The following SCYL1 variants were observed in gnomAD, a reference collection of about 807,000 sequenced individuals.
SCYL1 encodes the protein N-terminal kinase-like protein.
Under a neutral mutation model 94.8 loss-of-function variants are expected in SCYL1, and 85 were observed. That is an observed-to-expected ratio of 0.90 (90% CI 0.75 to 1.07). SCYL1 has a LOEUF of 1.07. Among genes scored for constraint, SCYL1 ranks in the 50% least tolerant of loss-of-function variants. The probability of loss-of-function intolerance (pLI) is 0.00; values close to 1 mark genes in which losing one functional copy is unlikely to be tolerated. For synonymous variants in SCYL1, 459 were observed against 435.5 expected (o/e 1.05, Z -0.67); for missense variants, 968 against 1,083.3 (o/e 0.89, Z 1.49).
At position 65,537,037 on chromosome 11, in the gene SCYL1, G is replaced by A. The variant is rs554915845; in HGVS notation, c.1868G>A (p.Gly623Asp). Residue 623 changes from glycine to aspartate, a missense_variant, in exon 14 of 18, where the codon GGC (glycine) becomes GAC (aspartate). Gly to Asp is a moderately conservative substitution (Grantham distance 94, BLOSUM62 -1). Transcript: ENST00000270176. ...GTTCCTGCCACCCCTACAACCTCAG[G>A]CCACTGGGAGACGCAGGAGGAGGAC... The part of the protein sequence containing the change: ...TPVPATPTTS[G>D]HWETQEEDKD... The A allele has an allele frequency of 4.3e-6, 7 of 1,613,894 alleles. No individual in the cohort carries two copies. The highest frequency in any genetic ancestry group is 3.3e-4 in the Middle Eastern group (2 of 6,060).
intron 2 of SCYL1, 38 bp downstream of exon 2, chr11:65,525,752 G>A (rs1366626970): frequency 1.2e-6 from 2 of 1,608,752 alleles, no homozygotes; most frequent in Admixed American, 1.7e-5. Context: ...TGCCCCTCAC[G>A]ATGTCCTGGT....
Position 65,532,784 on chromosome 11 carries a change from C to T in SCYL1, c.1209C>T (p.Ala403=), listed in dbSNP as rs1177408888. The stretch of plus-strand genomic sequence containing the variant: ...ATGGCTTCCTGGACACCAACCCTGC[C>T]ATCCGGGAGCAGACGGTCAAGGTGG... ...VVHGFLDTNP[A]IREQTVKSML... Residue 403 remains alanine (A), a synonymous_variant, in exon 9 of 18, where the codon GCC becomes GCT. Transcript: ENST00000270176. 1 of 1,613,970 alleles carries T rather than the reference C, an allele frequency of 6.2e-7. No homozygotes were observed. Among genetic ancestry groups the T allele is most frequent in the South Asian group, 1.1e-5 (1 of 91,076 alleles).
intron 6 of SCYL1, among the ~76,000 whole-genome samples, chr11:65,529,756 T>C (rs967577914): frequency 3.3e-5 from 5 of 152,072 alleles, no homozygotes; most frequent in African/African-American, 1.2e-4. Flanking sequence ...TCCTCCTTTG[T>C]GAATGGGGGG....
chr11:65,529,390 T>A (rs1855257181), intron 6 of SCYL1, among the ~76,000 whole-genome samples: 1 of 152,180 alleles, frequency 6.6e-6, no homozygotes, highest in Non-Finnish European at 1.5e-5. Flanking sequence ...TTCGGGAGCC[T>A]CCAGGAGAAC....
intron 9 of SCYL1, among the ~76,000 whole-genome samples, chr11:65,534,815 A>C (rs1312650253): frequency 1.3e-5 from 2 of 152,256 alleles, no homozygotes; most frequent in African/African-American, 4.8e-5. Context: ...CAGAGACCAA[A>C]GTTTCAGGGA....
rs1210872403 is a variant in SCYL1 at position 65,530,731 on chromosome 11, C to T, written c.952C>T (p.Leu318=). 1.2e-6 allele frequency: 2 copies of T among 1,613,986 alleles called. No homozygotes were observed. Among genetic ancestry groups the T allele is most frequent in the African/African-American group, 2.7e-5 (2 of 74,946 alleles). Residue 318 remains leucine (L), a synonymous_variant, in exon 7 of 18, where the codon CTG becomes TTG. Coordinates refer to ENST00000270176, the MANE Select transcript of SCYL1 (RefSeq NM_020680.4). ...TCGGCACAAGGTGCTGCCCCAGCTG[C>T]TGACCGCCTTCGAGTTCGGCAATGC... ...FCRHKVLPQL[L]TAFEFGNAGA...
At chr11:65,537,689 G>A (rs1855751076) in intron 14 of SCYL1, 120 bp from the exon 15 acceptor site, 2 of 820,036 alleles carry the variant, frequency 2.4e-6, no homozygotes, top group South Asian at 1.8e-5. Context: ...CAGGGCCTGA[G>A]GAGCAAATGA....
In SCYL1 at chr11:65,537,986, A is replaced by AAT. The variant is rs1229002512; in HGVS notation, c.2052_2053dup (p.Ser685TyrfsTer117). The AAT allele has an allele frequency of 6.2e-7, 1 of 1,612,006 alleles. No individual in the cohort carries two copies. Among genetic ancestry groups the AAT allele is most frequent in the African/African-American group, 1.3e-5 (1 of 74,876 alleles). On this transcript the variant is annotated frameshift_variant, in exon 16 of 18. Coordinates refer to ENST00000270176, the MANE Select transcript of SCYL1 (RefSeq NM_020680.4). LOFTEE classifies it high-confidence loss of function. ...CTACAGGTCAGCAACTCCGACCACAAATCCTCCAAATCCCCAGAGTCCGAC... is the reference window on the plus strand; with the variant it reads ...CTACAGGTCAGCAACTCCGACCACAAATATCCTCCAAATCCCCAGAGTCCGAC...
At chr11:65,529,010 G>T (rs577129396) in intron 6 of SCYL1, among the ~76,000 whole-genome samples, 1 of 152,336 alleles carries the variant, frequency 6.6e-6, no homozygotes, top group African/African-American at 2.4e-5. Flanking sequence ...GCATCTGGGT[G>T]CACTGGCCTG....
intron 8 of SCYL1, among the ~76,000 whole-genome samples, chr11:65,532,423 T>C (rs1855426879): frequency 8.6e-6 from 1 of 116,178 alleles, no homozygotes; most frequent in African/African-American, 3.9e-5. Context: ...AGACTCTGTC[T>C]CAGAAAAAAA....
intron 1 of SCYL1, 66 bp downstream of exon 1, chr11:65,525,330 C>A: frequency 1.6e-6 from 2 of 1,241,742 alleles, no homozygotes; most frequent in Non-Finnish European, 2.1e-6. Flanking sequence ...GCCGCCGACC[C>A]CGTCGCGTTG....
At chr11:65,525,523 C>T (rs1855029082) in intron 1 of SCYL1, 51 bp from the exon 2 acceptor site, 1 of 1,583,792 alleles carries the variant, frequency 6.3e-7, no homozygotes, top group South Asian at 1.1e-5. Context: ...CCTTGTCTTC[C>T]GGCCACACAA....
chr11:65,525,771 C>T, intron 2 of SCYL1, 57 bp downstream of exon 2: 1 of 1,602,118 alleles, frequency 6.2e-7, no homozygotes, highest in Non-Finnish European at 8.5e-7. Flanking sequence ...GTTACCCACT[C>T]CTGTCTCCCC....
chr11:65,534,560 A>T (rs1855549856), intron 9 of SCYL1, among the ~76,000 whole-genome samples: 1 of 152,106 alleles, frequency 6.6e-6, no homozygotes, highest in South Asian at 2.1e-4. Context: ...GGAGATGTCG[A>T]GTTGGCCACT....
At chr11:65,531,471 A>C in intron 7 of SCYL1, 105 bp from the exon 8 acceptor site, 5 of 787,282 alleles carry the variant, frequency 6.4e-6, no homozygotes, top group Non-Finnish European at 1.1e-5. Flanking sequence ...CCCCTCCGCC[A>C]TCACTTCATT....
At position 65,536,570 on chromosome 11, in the gene SCYL1, T is replaced by C; in HGVS notation, c.1652-16T>C. 6.2e-7 allele frequency: 1 copy of C among 1,613,668 alleles called. No homozygotes were observed. Among genetic ancestry groups the C allele is most frequent in the East Asian group, 2.2e-5 (1 of 44,862 alleles). On this transcript the variant is annotated splice_polypyrimidine_tract_variant and intron_variant, in intron 12 of 17. Coordinates refer to ENST00000270176, the MANE Select transcript of SCYL1 (RefSeq NM_020680.4). ...TGACGTGCCCATACCCACCTCTCTC[T>C]CATGCCACTGCCCAGAGAAGGATGT...
intron 2 of SCYL1, 61 bp downstream of exon 2, chr11:65,525,775 T>TCTCCCCTCCTGC: frequency 5.6e-6 from 9 of 1,600,044 alleles, no homozygotes; most frequent in Non-Finnish European, 6.8e-6. Context: ...CCCACTCCTG[T>TCTCCCCTCCTGC]CTCCCCTCCT....
chr11:65,537,935 C>T (rs746463328), intron 15 of SCYL1, 32 bp from the exon 16 acceptor site: 21 of 1,591,982 alleles, frequency 1.3e-5, no homozygotes, highest in African/African-American at 2.7e-5. Flanking sequence ...TCCTTGGGCC[C>T]AGGGCTACTT....
At position 65,538,276 on chromosome 11, in the gene SCYL1, C is replaced by G; in HGVS notation, c.2254C>G (p.Pro752Ala). The G allele has an allele frequency of 6.4e-7, 1 of 1,553,318 alleles. No homozygotes were observed. Among genetic ancestry groups the G allele is most frequent in the Non-Finnish European group, 8.7e-7 (1 of 1,148,020 alleles). Residue 752 changes from proline (P) to alanine (A), a missense_variant, in exon 17 of 18, where the codon CCA becomes GCA. Transcript: ENST00000270176. ...CCCACACTTCTCTTTACAGCCGAGG[C>G]CAGACTCTTGGGGTGAGGACAACTG... Reference protein sequence around the residue: ...LSARPSTQPRPDSWGEDNWEG... With the variant: ...LSARPSTQPRADSWGEDNWEG...
Sources: gnomAD v4.1 joint callset for allele counts (sites outside exome capture counted in the v4.1 genomes callset) on GRCh38, gnomAD v4.1.1 for gene constraint, MANE v1.5 for transcripts, NCBI Gene and HGNC (gene_info 2026-07-23, HGNC 2026-07-21) for gene names.